Variants in NLGN1 observed in about 807,000 individuals in gnomAD.
NLGN1 encodes neuroligin 1.
A neutral mutation model predicts 65.5 loss-of-function variants in NLGN1; 12 were observed. The ratio of observed to expected loss-of-function variants is 0.18; its 90% CI spans 0.12 to 0.30. The LOEUF (loss-of-function observed/expected upper bound fraction) is 0.30. Ranked by LOEUF, NLGN1 falls within the 10% of genes least tolerant of loss-of-function variation. The pLI is 1.00. For missense variants in NLGN1, 750 were observed against 1,007.1 expected (o/e 0.74, Z 3.46); for synonymous variants, 350 against 359.5 (o/e 0.97, Z 0.30).
chr3:173,970,893 C>T (rs986974183), intron 4 of NLGN1, among the ~76,000 whole-genome samples: 2 of 152,042 alleles, frequency 1.3e-5, no homozygotes, highest in Non-Finnish European at 2.9e-5. Flanking sequence ...TAGGGTGCTA[C>T]TGGAGAATTC....
At chr3:174,147,031 GA>G (rs1228055185) in intron 4 of NLGN1, among the ~76,000 whole-genome samples, 1 of 152,136 alleles carries the variant, frequency 6.6e-6, no homozygotes, top group Admixed American at 6.6e-5. Context: ...AAGCAGAATG[GA>G]AAACTTTTGT....
chr3:173,944,492 A>C (rs1246846883), intron 4 of NLGN1, among the ~76,000 whole-genome samples: 1 of 152,124 alleles, frequency 6.6e-6, no homozygotes, highest in Non-Finnish European at 1.5e-5. Flanking sequence ...AGTTGACTGG[A>C]TGAAATGTTA....
chr3:174,140,260 C>G (rs1377004996), intron 4 of NLGN1, among the ~76,000 whole-genome samples: 1 of 151,988 alleles, frequency 6.6e-6, no homozygotes, highest in Non-Finnish European at 1.5e-5. Context: ...AGAACAGTTT[C>G]TAAATTTGTT....
intron 3 of NLGN1, among the ~76,000 whole-genome samples, chr3:173,624,985 T>A (rs776735091): frequency 1.3e-5 from 2 of 152,150 alleles, no homozygotes; most frequent in Non-Finnish European, 2.9e-5. Flanking sequence ...CATGTCAGTC[T>A]GGTCAGACAG....
intron 3 of NLGN1, among the ~76,000 whole-genome samples, chr3:173,658,004 GA>G (rs957360423): frequency 1.3e-5 from 2 of 151,578 alleles, no homozygotes; most frequent in Admixed American, 6.6e-5. Context: ...AGGGACTTGG[GA>G]AAAAAATAGG....
In NLGN1 at chr3:173,792,790, G is replaced by A. The variant is rs867669424; in HGVS notation, c.494-14890G>A. 7.9e-5 allele frequency among the ~76,000 whole-genome samples: 12 copies of A among 152,272 alleles called. No homozygotes were observed. The South Asian group carries it at 1.7e-3, about 21-fold the overall frequency. On this transcript the variant is annotated intron_variant, in intron 3 of 6. Coordinates refer to ENST00000457714, the Ensembl canonical transcript of NLGN1. ...TAAGGAGAGTAGTGGAACAATGAAA[G>A]TCATGTTTAAATTACATTAATCTGC...
At chr3:173,575,188 T>TAAAAATA (rs903398983) in intron 2 of NLGN1, among the ~76,000 whole-genome samples, 1 of 151,828 alleles carries the variant, frequency 6.6e-6, no homozygotes, top group Non-Finnish European at 1.5e-5. Flanking sequence ...CCAGTAATTC[T>TAAAAATA]AAAAATAAAA....
intron 4 of NLGN1, among the ~76,000 whole-genome samples, chr3:174,040,187 G>T (rs1033349243): frequency 4.6e-5 from 7 of 151,850 alleles, no homozygotes; most frequent in African/African-American, 1.7e-4. Flanking sequence ...CCTCTTTTCA[G>T]AGAAAAGGGA....
At chr3:173,897,791 A>G (rs567995059) in intron 4 of NLGN1, among the ~76,000 whole-genome samples, 67 of 152,288 alleles carry the variant, frequency 4.4e-4, no homozygotes, top group African/African-American at 1.6e-3. Flanking sequence ...CAAGTAAGCC[A>G]TAGATTTCTT....
At chr3:173,646,395 C>G (rs751661953) in intron 3 of NLGN1, among the ~76,000 whole-genome samples, 1 of 152,178 alleles carries the variant, frequency 6.6e-6, no homozygotes, top group Non-Finnish European at 1.5e-5. Context: ...ACCACTTTCT[C>G]TGGTTAGGAA....
At chr3:173,891,714 G>A (rs1444335035) in intron 4 of NLGN1, among the ~76,000 whole-genome samples, 1 of 152,058 alleles carries the variant, frequency 6.6e-6, no homozygotes, top group Non-Finnish European at 1.5e-5. Flanking sequence ...AGGGATCCTT[G>A]GGACACTTCT....
chr3:173,997,229 G>A (rs1032556126), intron 4 of NLGN1, among the ~76,000 whole-genome samples: 2 of 151,904 alleles, frequency 1.3e-5, no homozygotes, highest in Non-Finnish European at 2.9e-5. Context: ...CTTGGAATGG[G>A]ACTTCAGTAC....
At chr3:173,448,359 T>G (rs1291787202) in intron 2 of NLGN1, among the ~76,000 whole-genome samples, 1 of 152,214 alleles carries the variant, frequency 6.6e-6, no homozygotes, top group African/African-American at 2.4e-5. Context: ...TATGCTGGAT[T>G]ACGTTTATTG....
rs994347637 is a variant in NLGN1, at chr3:173,960,351, G to A, written c.646+152519G>A. ...TTAGTTTCTGATTAAACCTTTGATC[G>A]TGCTAAAAATGTTTGATATATATTA... On this transcript the variant is annotated intron_variant, in intron 4 of 6. Coordinates refer to ENST00000457714, the Ensembl canonical transcript of NLGN1. 4.0e-5 allele frequency among the ~76,000 whole-genome samples: 6 copies of A among 151,896 alleles called. No individual in the cohort carries two copies. The East Asian group carries it at 1.2e-3, about 29-fold the overall frequency.
At chr3:174,036,736 A>T (rs291936) in intron 4 of NLGN1, among the ~76,000 whole-genome samples, 145,780 of 152,102 alleles carry the variant, frequency 0.96, 69,920 homozygotes, top group East Asian at 1. Flanking sequence ...TTATTTTTTC[A>T]GATCCTCTCC....
intron 4 of NLGN1, among the ~76,000 whole-genome samples, chr3:173,983,450 AC>A (rs1206403700): frequency 2.6e-5 from 4 of 152,178 alleles, no homozygotes; most frequent in Admixed American, 6.6e-5. Context: ...ATTTCCTTAA[AC>A]ATTTTCCATC....
chr3:173,675,887 TCACACACA>T (rs35370304), intron 3 of NLGN1, among the ~76,000 whole-genome samples: 3 of 138,636 alleles, frequency 2.2e-5, no homozygotes, highest in Middle Eastern at 3.8e-3. Flanking sequence ...TCTCTCTCTC[TCACACACA>T]CACACACACA....
intron 3 of NLGN1, among the ~76,000 whole-genome samples, chr3:173,623,599 G>A (rs1046052869): frequency 3.3e-5 from 5 of 152,110 alleles, no homozygotes; most frequent in Non-Finnish European, 7.4e-5. Flanking sequence ...TCACGTGGCT[G>A]CAGTTGAGCT....
At chr3:173,982,189 C>A (rs112182679) in intron 4 of NLGN1, among the ~76,000 whole-genome samples, 1 of 152,030 alleles carries the variant, frequency 6.6e-6, no homozygotes. Flanking sequence ...TAACCATTAA[C>A]GTGTGCCTTT....
Sources: allele counts gnomAD v4.1 joint callset (sites outside exome capture counted in the v4.1 genomes callset), GRCh38; gene constraint gnomAD v4.1.1; transcripts MANE v1.5; gene names NCBI Gene and HGNC (gene_info 2026-07-23, HGNC 2026-07-21).